CERT1: variants seen among roughly 807,000 people sequenced by gnomAD.
The protein encoded by CERT1 is ceramide transfer protein.
CERT1 carries 31 observed loss-of-function variants against 87.9 expected under a neutral mutation model. The ratio of observed to expected loss-of-function variants is 0.35; its 90% CI spans 0.27 to 0.48. CERT1 has a LOEUF of 0.48. Ranked by LOEUF, CERT1 falls within the 20% of genes least tolerant of loss-of-function variation. The pLI, the probability that CERT1 is intolerant of heterozygous loss-of-function variation, is 0.99. For synonymous variants in CERT1, 289 were observed against 250.9 expected, an observed-to-expected ratio of 1.15 and a Z score of -1.44; for missense variants, 487 against 758.0, an observed-to-expected ratio of 0.64 and a Z score of 4.20.
intron 2 of CERT1, among the ~76,000 whole-genome samples, chr5:75,467,169 A>G (rs1321615047): frequency 6.6e-6 from 1 of 152,232 alleles, no homozygotes; most frequent in East Asian, 1.9e-4. Flanking sequence ...AACTTAGTGG[A>G]TTCTCAAGGA....
intron 3 of CERT1, among the ~76,000 whole-genome samples, chr5:75,446,710 C>G (rs956210067): frequency 2.0e-5 from 3 of 152,174 alleles, no homozygotes; most frequent in African/African-American, 7.2e-5. Context: ...AAGGATCCAG[C>G]CTGAGGTGGA....
intron 11 of CERT1, among the ~76,000 whole-genome samples, chr5:75,398,881 A>G (rs1036198733): frequency 2.6e-5 from 4 of 152,256 alleles, no homozygotes; most frequent in Non-Finnish European, 5.9e-5. Flanking sequence ...ATATTATTAA[A>G]AAGTGATTTC....
chr5:75,467,411 G>A (rs1765503510), intron 2 of CERT1, among the ~76,000 whole-genome samples: 1 of 152,092 alleles, frequency 6.6e-6, no homozygotes, highest in Admixed American at 6.5e-5. Context: ...GGAGGCTGAG[G>A]TGGGCAGATA....
At chr5:75,496,576 C>T (rs536886281) in intron 2 of CERT1, among the ~76,000 whole-genome samples, 1 of 152,036 alleles carries the variant, frequency 6.6e-6, no homozygotes, top group Non-Finnish European at 1.5e-5. Context: ...AATATATATC[C>T]GTCAACTGGT....
chr5:75,385,173 A>G (rs561999212), intron 13 of CERT1, among the ~76,000 whole-genome samples: 4 of 152,298 alleles, frequency 2.6e-5, no homozygotes, highest in African/African-American at 9.6e-5. Flanking sequence ...AGGGGAATAC[A>G]CACTAAGAAT....
intron 2 of CERT1, among the ~76,000 whole-genome samples, chr5:75,475,197 A>G (rs1263409925): frequency 6.6e-6 from 1 of 152,176 alleles, no homozygotes. Flanking sequence ...CATACTGACA[A>G]TTTAATGATT....
At chr5:75,393,066 C>G (rs76567714) in intron 11 of CERT1, among the ~76,000 whole-genome samples, 3 of 147,858 alleles carry the variant, frequency 2.0e-5, no homozygotes, top group African/African-American at 7.5e-5. Context: ...ACAAATATAG[C>G]CAAATTTACC....
intron 2 of CERT1, among the ~76,000 whole-genome samples, chr5:75,488,999 T>C (rs1357438461): frequency 6.6e-6 from 1 of 151,778 alleles, no homozygotes; most frequent in Non-Finnish European, 1.5e-5. Flanking sequence ...CTTCAAACTA[T>C]ACTACAAGGC....
At chr5:75,442,460 A>C (rs1277630303) in intron 3 of CERT1, among the ~76,000 whole-genome samples, 1 of 152,202 alleles carries the variant, frequency 6.6e-6, no homozygotes, top group African/African-American at 2.4e-5. Flanking sequence ...GGTTCAAGCA[A>C]TCCACCTGCC....
intron 9 of CERT1, chr5:75,400,861 T>C (rs925696258): frequency 1.3e-5 from 2 of 150,556 alleles, no homozygotes; most frequent in Admixed American, 6.7e-5. Flanking sequence ...TTTGCCTCAG[T>C]TGTTCTCATT....
intron 3 of CERT1, among the ~76,000 whole-genome samples, chr5:75,435,554 T>G (rs1764057060): frequency 6.6e-6 from 1 of 152,202 alleles, no homozygotes; most frequent in African/African-American, 2.4e-5. Flanking sequence ...TGTGGGCTGG[T>G]GTTCCTTTAA....
At chr5:75,426,308 C>T in intron 4 of CERT1, 63 bp downstream of exon 4, 2 of 1,154,008 alleles carry the variant, frequency 1.7e-6, no homozygotes, top group Non-Finnish European at 2.6e-6. Flanking sequence ...ATGTTCTGTT[C>T]ACAACATCCA....
At chr5:75,415,004 T>G (rs1763081279) in intron 7 of CERT1, among the ~76,000 whole-genome samples, 1 of 152,100 alleles carries the variant, frequency 6.6e-6, no homozygotes, top group South Asian at 2.1e-4. Flanking sequence ...TTTCTCTATT[T>G]AAGAACTTTC....
intron 8 of CERT1, among the ~76,000 whole-genome samples, chr5:75,408,893 G>A (rs1266732549): frequency 1.3e-5 from 2 of 151,744 alleles, no homozygotes; most frequent in Non-Finnish European, 2.9e-5. Flanking sequence ...CCTAGCACAA[G>A]GCCCCTCTTC....
chr5:75,420,347 GTTT>G (rs11310251), intron 5 of CERT1, among the ~76,000 whole-genome samples: 1 of 138,524 alleles, frequency 7.2e-6, no homozygotes, highest in African/African-American at 2.7e-5. Flanking sequence ...GATATCGACT[GTTT>G]TTTTTTTTTT....
At chr5:75,374,449 T>C, downstream of CERT1, 1 of 710,610 alleles carries the variant, frequency 1.4e-6, no homozygotes. Flanking sequence ...CTCTCTACAG[T>C]CCAGGCCTCC....
intron 2 of CERT1, among the ~76,000 whole-genome samples, chr5:75,494,272 A>T (rs745728697): frequency 1.3e-5 from 2 of 152,152 alleles, no homozygotes; most frequent in Non-Finnish European, 2.9e-5. Flanking sequence ...GGGAAGCTAT[A>T]TTGTTATCTT....
At chr5:75,471,908 A>C (rs1765729646) in intron 2 of CERT1, among the ~76,000 whole-genome samples, 1 of 152,174 alleles carries the variant, frequency 6.6e-6, no homozygotes, top group African/African-American at 2.4e-5. Context: ...ATTTTTCATA[A>C]AAACAGAAAA....
intron 2 of CERT1, among the ~76,000 whole-genome samples, chr5:75,477,802 T>C (rs770378266): frequency 3.7e-4 from 57 of 152,026 alleles, no homozygotes; most frequent in Non-Finnish European, 7.4e-4. Context: ...CTCTAAACTA[T>C]ATGAGTAGAG....
Sources: gnomAD v4.1 joint callset for allele counts (sites outside exome capture counted in the v4.1 genomes callset) on GRCh38, gnomAD v4.1.1 for gene constraint, MANE v1.5 for transcripts, NCBI Gene and HGNC (gene_info 2026-07-23, HGNC 2026-07-21) for gene names.